TRMT11: variants seen among roughly 807,000 people sequenced by gnomAD.
TRMT11 encodes tRNA methyltransferase 11.
Under a neutral mutation model 62.8 loss-of-function variants are expected in TRMT11, and 53 were observed. The ratio of observed to expected loss-of-function variants is 0.84; its 90% CI spans 0.68 to 1.06. TRMT11 has a LOEUF of 1.06. Among genes scored for constraint, TRMT11 ranks in the 50% least tolerant of loss-of-function variants. The pLI is 0.00. For synonymous variants in TRMT11, 188 were observed against 190.3 expected (o/e 0.99, Z 0.10); for missense variants, 556 against 553.4 (o/e 1.00, Z -0.05).
chr6:126,157,939 G>A (rs977208425), intron 21 of TRMT11, among the ~76,000 whole-genome samples: 1 of 151,860 alleles, frequency 6.6e-6, no homozygotes, highest in Non-Finnish European at 1.5e-5. Context: ...AAATTTTAAG[G>A]CAAAAGCCTT....
chr6:126,133,849 G>A (rs1235924274), intron 21 of TRMT11, among the ~76,000 whole-genome samples: 1 of 151,620 alleles, frequency 6.6e-6, no homozygotes, highest in African/African-American at 2.4e-5. Context: ...AATAAATTTT[G>A]TCTATTGAAC....
the TRMT11 span, among the ~76,000 whole-genome samples, chr6:126,255,122 G>A: frequency 6.6e-6 from 1 of 151,974 alleles, no homozygotes; most frequent in Non-Finnish European, 1.5e-5. Context: ...TTCCCAAATA[G>A]CCACTAATAT....
At chr6:126,211,679 T>C in the TRMT11 span, among the ~76,000 whole-genome samples, 1 of 151,892 alleles carries the variant, frequency 6.6e-6, no homozygotes, top group African/African-American at 2.4e-5. Context: ...TGTATATATG[T>C]ATAGAGTACA....
chr6:126,191,307 A>G (rs953160419), intron 1 of TRMT11, among the ~76,000 whole-genome samples: 15 of 151,568 alleles, frequency 9.9e-5, no homozygotes, highest in African/African-American at 3.4e-4. Context: ...TTTTCTTTTT[A>G]GCTATTGAAT....
downstream of TRMT11, chr6:126,039,357 A>G (rs999544572): frequency 9.2e-5 from 14 of 152,728 alleles, no homozygotes; most frequent in African/African-American, 3.4e-4. Flanking sequence ...CAAGGAAGGA[A>G]TAACAATGCT....
the TRMT11 span, among the ~76,000 whole-genome samples, chr6:126,272,127 T>A: frequency 6.6e-6 from 1 of 152,198 alleles, no homozygotes; most frequent in African/African-American, 2.4e-5. Context: ...AATCCTTTAG[T>A]CAGTCTCATA....
At chr6:126,123,731 G>T (rs1484394625) in intron 21 of TRMT11, among the ~76,000 whole-genome samples, 1 of 151,942 alleles carries the variant, frequency 6.6e-6, no homozygotes, top group Non-Finnish European at 1.5e-5. Flanking sequence ...ATTTGCTCTG[G>T]TTATCTGGTC....
chr6:126,151,821 T>TAGTTTC lies in TRMT11; in HGVS notation c.*1824-23004_*1824-23003insAGTTTC, dbSNP rs746194861. 4.4e-3 allele frequency among the ~76,000 whole-genome samples: 546 copies of TAGTTTC among 125,384 alleles called. 21 individuals carry two copies. Among genetic ancestry groups the TAGTTTC allele is most frequent in the African/African-American group, 0.015 (492 of 31,814 alleles). The allele number at this position is 125,384 out of a possible 152,430, so 82.3% of individuals were successfully genotyped here. ...CCTCTCTGTCTTTTCTTTCTTTCTT[T>TAGTTTC]CTTTCTTTCTTTCTTTCTTTCTTTC... is the stretch of plus-strand genomic sequence containing the variant. On this transcript the variant is annotated intron_variant and NMD_transcript_variant, in intron 21 of 22. Coordinates refer to the TRMT11 transcript ENST00000648977.
chr6:126,108,755 C>T (rs1777493298), intron 17 of TRMT11, among the ~76,000 whole-genome samples: 1 of 152,156 alleles, frequency 6.6e-6, no homozygotes, highest in Non-Finnish European at 1.5e-5. Flanking sequence ...AGATGGACAG[C>T]ATGACATTCT....
chr6:126,234,035 T>C, the TRMT11 span, among the ~76,000 whole-genome samples: 1 of 152,208 alleles, frequency 6.6e-6, no homozygotes, highest in Non-Finnish European at 1.5e-5. Flanking sequence ...AGATACTATT[T>C]TTTTCTGAAT....
the TRMT11 span, among the ~76,000 whole-genome samples, chr6:126,251,856 A>T: frequency 6.6e-6 from 1 of 152,282 alleles, no homozygotes; most frequent in East Asian, 1.9e-4. Context: ...ATCCTAATGT[A>T]CTTAGTATCT....
At chr6:126,214,410 G>C in the TRMT11 span, among the ~76,000 whole-genome samples, 1 of 151,832 alleles carries the variant, frequency 6.6e-6, no homozygotes, top group Non-Finnish European at 1.5e-5. Context: ...TCTCAATCTT[G>C]TTGCTTGTTA....
the TRMT11 span, among the ~76,000 whole-genome samples, chr6:126,236,992 G>A: frequency 6.2e-4 from 94 of 151,974 alleles, no homozygotes; most frequent in African/African-American, 2.2e-3. Flanking sequence ...CATCTAACAT[G>A]CTGACACATT....
At chr6:126,027,585 AGGTATTATAT>A (rs1402043936) in intron 12 of TRMT11, among the ~76,000 whole-genome samples, 5 of 152,204 alleles carry the variant, frequency 3.3e-5, no homozygotes, top group African/African-American at 1.2e-4. Context: ...GTTTAATTCA[AGGTATTATAT>A]GGCTATTAAT....
intron 21 of TRMT11, among the ~76,000 whole-genome samples, chr6:126,168,197 C>G (rs1289205557): frequency 6.6e-6 from 1 of 152,174 alleles, no homozygotes; most frequent in East Asian, 1.9e-4. Flanking sequence ...TTCTCTTACA[C>G]CGGCAACCTC....
chr6:126,004,800 A>G (rs897953983), intron 7 of TRMT11, among the ~76,000 whole-genome samples: 13 of 152,052 alleles, frequency 8.5e-5, no homozygotes, highest in African/African-American at 3.1e-4. Context: ...TCTCAGGGAT[A>G]TAGAGTAGGG....
intron 7 of TRMT11, among the ~76,000 whole-genome samples, chr6:126,001,391 C>T (rs1252508819): frequency 2.0e-5 from 3 of 151,134 alleles, no homozygotes; most frequent in Non-Finnish European, 4.4e-5. Context: ...TAATTTTTTC[C>T]TCATTTTGGG....
At chr6:126,210,923 C>T in the TRMT11 span, among the ~76,000 whole-genome samples, 2 of 152,066 alleles carry the variant, frequency 1.3e-5, no homozygotes, top group African/African-American at 2.4e-5. Context: ...TACTCTATCC[C>T]CCACAAGTAT....
chr6:126,259,791 T>G, the TRMT11 span, among the ~76,000 whole-genome samples: 8 of 152,192 alleles, frequency 5.3e-5, no homozygotes, highest in Non-Finnish European at 1.2e-4. Context: ...TATATCATCT[T>G]GTTGAACTGA....
Sources: allele counts gnomAD v4.1 joint callset (sites outside exome capture counted in the v4.1 genomes callset), GRCh38; gene constraint gnomAD v4.1.1; transcripts MANE v1.5; gene names NCBI Gene and HGNC (gene_info 2026-07-23, HGNC 2026-07-21).